FARP1: variants seen among roughly 807,000 people sequenced by gnomAD.
FARP1 encodes FERM, ARH/RhoGEF and pleckstrin domain protein 1.
FARP1 carries 52 observed loss-of-function variants against 128.8 expected under a neutral mutation model. That is an observed-to-expected ratio of 0.40 (90% CI 0.32 to 0.51). FARP1 has a LOEUF of 0.51. Ranked by LOEUF, FARP1 falls within the 20% of genes least tolerant of loss-of-function variation. The pLI is 0.45. For missense variants in FARP1, 1,333 were observed against 1,367.9 expected, an observed-to-expected ratio of 0.97 and a Z score of 0.40; for synonymous variants, 580 against 551.8, an observed-to-expected ratio of 1.05 and a Z score of -0.72.
At chr13:98,203,259 A>G (rs138054239) in intron 1 of FARP1, among the ~76,000 whole-genome samples, 4 of 152,322 alleles carry the variant, frequency 2.6e-5, no homozygotes, top group South Asian at 2.1e-4. Flanking sequence ...TGTAATCACA[A>G]ATCGTAACTT....
chr13:98,354,606 A>G (rs184728508), intron 3 of FARP1, among the ~76,000 whole-genome samples: 92 of 152,358 alleles, frequency 6.0e-4, no homozygotes, highest in African/African-American at 2.2e-3. Flanking sequence ...TAGGATTCTT[A>G]TTAAACTAAA....
chr13:98,186,154 T>G (rs1182583018), intron 1 of FARP1, among the ~76,000 whole-genome samples: 3 of 152,142 alleles, frequency 2.0e-5, no homozygotes, highest in Non-Finnish European at 1.5e-5. Flanking sequence ...CCAGGCTGGC[T>G]GGAGTGCAAT....
At chr13:98,163,295 A>G (rs1296897767) in intron 1 of FARP1, among the ~76,000 whole-genome samples, 1 of 152,224 alleles carries the variant, frequency 6.6e-6, no homozygotes, top group African/African-American at 2.4e-5. Flanking sequence ...ACAGAGGGGA[A>G]CAACAGACAC....
chr13:98,278,991 A>ATTTTTTTTTTTTTTTTTTT (rs1159451553), intron 2 of FARP1, among the ~76,000 whole-genome samples: 3 of 132,078 alleles, frequency 2.3e-5, no homozygotes, highest in Admixed American at 7.1e-5. Context: ...ACGCCCTGCT[A>ATTTTTTTTTTTTTTTTTTT]ATTTTTTTTT....
At chr13:98,155,505 G>GT (rs1876442233) in intron 1 of FARP1, among the ~76,000 whole-genome samples, 1 of 151,940 alleles carries the variant, frequency 6.6e-6, no homozygotes, top group African/African-American at 2.4e-5. Flanking sequence ...AACTGCTGTG[G>GT]TTTTTTTAAG....
chr13:98,177,101 T>A (rs111520418), intron 1 of FARP1: 1 of 1,600,454 alleles, frequency 6.2e-7, no homozygotes, highest in Admixed American at 1.7e-5. Context: ...CTGCTGCTGC[T>A]CTCTCCGTGC....
chr13:98,148,592 G>T lies in FARP1; in HGVS notation c.-24+5100G>T, dbSNP rs370999516. ...TCACCATTCCTTTTTGTACTTTGAAGCTTGCTTCTGGGATACATTTTCCTT... is the reference window on the plus strand; with the variant it reads ...TCACCATTCCTTTTTGTACTTTGAATCTTGCTTCTGGGATACATTTTCCTT... On this transcript the variant is annotated intron_variant, in intron 1 of 26. Transcript: ENST00000319562. Among the ~76,000 whole-genome samples the T allele has an allele frequency of 6.6e-5, 10 of 152,240 alleles. No individual in the cohort carries two copies. The East Asian group carries it at 1.2e-3, about 18-fold the overall frequency.
intron 2 of FARP1, among the ~76,000 whole-genome samples, chr13:98,308,108 G>A (rs1886266725): frequency 7.4e-6 from 1 of 135,898 alleles, no homozygotes; most frequent in African/African-American, 2.8e-5. Context: ...TGAAACCCAC[G>A]GAATTTATCC....
At chr13:98,182,103 C>T (rs529887265) in intron 1 of FARP1, among the ~76,000 whole-genome samples, 20 of 152,104 alleles carry the variant, frequency 1.3e-4, no homozygotes, top group Admixed American at 1.1e-3. Flanking sequence ...CTGACCTATG[C>T]TCCCCCTCTT....
intron 2 of FARP1, among the ~76,000 whole-genome samples, chr13:98,317,004 G>C (rs1886749127): frequency 6.6e-6 from 1 of 152,186 alleles, no homozygotes; most frequent in East Asian, 1.9e-4. Flanking sequence ...TACAGTTTTT[G>C]CAAGTGTAGG....
intron 1 of FARP1, among the ~76,000 whole-genome samples, chr13:98,157,562 G>C (rs1392357422): frequency 1.3e-5 from 2 of 152,106 alleles, no homozygotes; most frequent in Non-Finnish European, 2.9e-5. Flanking sequence ...CACTCATTTT[G>C]GTTATTTGAG....
chr13:98,230,363 A>G (rs1361476143), intron 2 of FARP1, among the ~76,000 whole-genome samples: 1 of 152,234 alleles, frequency 6.6e-6, no homozygotes, highest in Non-Finnish European at 1.5e-5. Context: ...ATTGTAGCAA[A>G]TTGAGAAAAT....
At chr13:98,295,389 T>C (rs7993587) in intron 2 of FARP1, among the ~76,000 whole-genome samples, 13,109 of 152,198 alleles carry the variant, frequency 0.086, 909 homozygotes, top group African/African-American at 0.18. Flanking sequence ...GAAGGGGCAG[T>C]GGACACAACC....
At chr13:98,400,414 G>GCT (rs1170841943) in intron 13 of FARP1, 5 of 152,214 alleles carry the variant, frequency 3.3e-5, no homozygotes, top group African/African-American at 1.2e-4. Context: ...TGTGCACACA[G>GCT]CTCTCTGTTT....
Position 98,176,814 on chromosome 13 carries a change from C to T in FARP1, c.-24+33322C>T. The T allele has an allele frequency of 1.9e-6, 3 of 1,613,094 alleles. No individual in the cohort carries two copies. Among genetic ancestry groups the T allele is most frequent in the Non-Finnish European group, 1.7e-6 (2 of 1,180,004 alleles). ...TTCCCCGGTAGATGTGGTCGTGCTC[C>T]CGACCCCGCAGTGCCTCCTGGACCC... is the stretch of plus-strand genomic sequence containing the variant. On this transcript the variant is annotated intron_variant, in intron 1 of 26. Coordinates refer to ENST00000319562, the MANE Select transcript of FARP1 (RefSeq NM_005766.4). The surrounding 1 kb of genome is among the most constrained non-coding windows in gnomAD (Gnocchi z 6.2).
chr13:98,443,901 G>A (rs1892648272), intron 24 of FARP1, among the ~76,000 whole-genome samples: 1 of 152,206 alleles, frequency 6.6e-6, no homozygotes, highest in Non-Finnish European at 1.5e-5. Flanking sequence ...GGACAGTGAG[G>A]CCAGGGAGTG....
intron 2 of FARP1, among the ~76,000 whole-genome samples, chr13:98,324,910 C>CCGAA (rs1304594789): frequency 6.6e-5 from 10 of 152,250 alleles, no homozygotes; most frequent in Non-Finnish European, 1.3e-4. Context: ...TGGCTGCCTT[C>CCGAA]CGAACTATTA....
intron 2 of FARP1, among the ~76,000 whole-genome samples, chr13:98,235,268 T>C (rs1882349068): frequency 6.6e-6 from 1 of 152,186 alleles, no homozygotes; most frequent in African/African-American, 2.4e-5. Context: ...ATAAGTTTCA[T>C]CACAGTGCCC....
rs59128917 is a variant in FARP1 at position 98,256,948 on chromosome 13, G to GGGAT, written c.171+43535_171+43536insGGAT. Among the ~76,000 whole-genome samples the GGGAT allele has an allele frequency of 5.4e-4, 42 of 77,086 alleles. 1 individual carries two copies. The highest frequency in any genetic ancestry group is 8.9e-4 in the Non-Finnish European group (33 of 37,090). The allele number at this position is 77,086 out of a possible 152,430, so 50.6% of individuals were successfully genotyped here. A position where few individuals can be genotyped will look rare whatever the true frequency, so the allele number is the denominator to read the frequency against. ...CAATAATTTTCAAAGTATATATGTG[G>GGGAT]ATATATATATATATATATATATATA... On this transcript the variant is annotated intron_variant, in intron 2 of 26. Transcript: ENST00000319562.
Sources: allele counts gnomAD v4.1 joint callset (sites outside exome capture counted in the v4.1 genomes callset), GRCh38; gene constraint gnomAD v4.1.1; non-coding constraint Gnocchi (gnomAD v3.1); transcripts MANE v1.5; gene names NCBI Gene and HGNC (gene_info 2026-07-23, HGNC 2026-07-21).